ELOVL4: variants seen among roughly 807,000 people sequenced by gnomAD.
The protein encoded by ELOVL4 is ELOVL fatty acid elongase 4, also known as very long chain fatty acid elongase 4.
A neutral mutation model predicts 42.1 loss-of-function variants in ELOVL4; 18 were observed. That is an observed-to-expected ratio of 0.43 (90% CI 0.30 to 0.63). The LOEUF is 0.63. Ranked by LOEUF, ELOVL4 falls within the 30% of genes least tolerant of loss-of-function variation. ELOVL4 has a pLI of 0.15. For synonymous variants in ELOVL4, 117 were observed against 127.0 expected (o/e 0.92, Z 0.53); for missense variants, 299 against 376.2 (o/e 0.79, Z 1.70).
At chr6:79,934,712 G>A (rs915525895) in intron 1 of ELOVL4, among the ~76,000 whole-genome samples, 2 of 152,054 alleles carry the variant, frequency 1.3e-5, no homozygotes, top group African/African-American at 4.8e-5. Flanking sequence ...ATAAACCCAA[G>A]AAGTTACTTA....
In ELOVL4 at chr6:79,919,562, C is replaced by T. The variant is rs1489218254; in HGVS notation, c.542-15G>A. 6.2e-7 allele frequency: 1 copy of T among 1,612,590 alleles called. No homozygotes were observed. Among genetic ancestry groups the T allele is most frequent in the Non-Finnish European group, 8.5e-7 (1 of 1,179,338 alleles). On this transcript the variant is annotated splice_polypyrimidine_tract_variant and intron_variant, in intron 4 of 5. Coordinates refer to ENST00000369816, the MANE Select transcript of ELOVL4 (RefSeq NM_022726.4). ...TCCAAAAAATGCTTTAGAAAAACAA[C>T]AGGTAATTACAAGATACAGAAAATT...
At chr6:79,938,273 C>A in intron 1 of ELOVL4, among the ~76,000 whole-genome samples, 1 of 152,132 alleles carries the variant, frequency 6.6e-6, no homozygotes, top group East Asian at 1.9e-4. Context: ...CAAGTTCAAC[C>A]ATCCACCCAA....
chr6:79,926,868 C>T (rs932579037), intron 1 of ELOVL4, among the ~76,000 whole-genome samples: 3 of 152,038 alleles, frequency 2.0e-5, no homozygotes, highest in Non-Finnish European at 4.4e-5. Flanking sequence ...TGAAATATCT[C>T]GAGACACTGA....
intron 5 of ELOVL4, 24 bp from the exon 6 acceptor site, chr6:79,916,907 A>T: frequency 6.2e-7 from 1 of 1,613,810 alleles, no homozygotes; most frequent in Non-Finnish European, 8.5e-7. Context: ...ATGACAGCAC[A>T]AAACATTTAA....
chr6:79,918,165 T>TTAA (rs1451913833), intron 5 of ELOVL4, among the ~76,000 whole-genome samples: 39 of 152,296 alleles, frequency 2.6e-4, no homozygotes, highest in African/African-American at 9.1e-4. Context: ...TCAGTATTAC[T>TTAA]TATTTTAAAT....
At chr6:79,927,698 G>A (rs764185652) in intron 1 of ELOVL4, among the ~76,000 whole-genome samples, 2 of 151,988 alleles carry the variant, frequency 1.3e-5, no homozygotes, top group Non-Finnish European at 2.9e-5. Flanking sequence ...TTGATGACTC[G>A]AGATATGGGA....
At chr6:79,922,655 T>G (rs1460937747) in intron 3 of ELOVL4, among the ~76,000 whole-genome samples, 1 of 152,242 alleles carries the variant, frequency 6.6e-6, no homozygotes, top group Non-Finnish European at 1.5e-5. Flanking sequence ...CTAAAATCTA[T>G]TTATAAGCTT....
chr6:79,933,460 A>G (rs918694041), intron 1 of ELOVL4, among the ~76,000 whole-genome samples: 1 of 152,062 alleles, frequency 6.6e-6, no homozygotes, highest in Non-Finnish European at 1.5e-5. Flanking sequence ...TGAACCCCTG[A>G]GCTCAAGCAA....
intron 4 of ELOVL4, among the ~76,000 whole-genome samples, chr6:79,921,237 G>A (rs1010733081): frequency 5.9e-5 from 9 of 151,694 alleles, no homozygotes; most frequent in African/African-American, 2.2e-4. Flanking sequence ...CGAGGCAGGC[G>A]GATCACAAGG....
In ELOVL4 at chr6:79,942,846, G is replaced by C. The variant is rs143274109; in HGVS notation, c.100+4334C>G. On this transcript the variant is annotated intron_variant, in intron 1 of 5. Transcript: ENST00000369816. ...GCAGTCTACCACCAAAAATCAAACTGTGGTGAAGGAAAAGACAATAAAAAC... is the reference window on the plus strand; with the variant it reads ...GCAGTCTACCACCAAAAATCAAACTCTGGTGAAGGAAAAGACAATAAAAAC... 5.5e-4 allele frequency among the ~76,000 whole-genome samples: 84 copies of C among 152,256 alleles called. 1 individual carries two copies. In the South Asian group the frequency reaches 8.3e-3, roughly 15 times the overall value.
rs543680358 is a variant in ELOVL4, at chr6:79,930,446, C to T, written c.101-4065G>A. 9.9e-5 allele frequency among the ~76,000 whole-genome samples: 15 copies of T among 152,284 alleles called. No individual in the cohort carries two copies. In the East Asian group the frequency reaches 2.7e-3, roughly 27 times the overall value. On this transcript the variant is annotated intron_variant, in intron 1 of 5. Transcript: ENST00000369816. ...TTTTAATAATATTTGGATGAAATTC[C>T]TCCATGTCTTTACATGTTATAATAC...
In ELOVL4 at chr6:79,915,371, C is replaced by T. The variant is rs1256168366; in HGVS notation, c.*1237G>A. On this transcript the variant is annotated 3_prime_UTR_variant, in exon 6 of 6. Transcript: ENST00000369816. ...TATTCATTTTGTGTTTTAACAACACCTTGTAACATCAAGCATTGAATTTAA... is the reference window on the plus strand; with the variant it reads ...TATTCATTTTGTGTTTTAACAACACTTTGTAACATCAAGCATTGAATTTAA... 1 of 152,480 alleles carries T rather than the reference C, an allele frequency of 6.6e-6. No individual in the cohort carries two copies. The highest frequency in any genetic ancestry group is 1.9e-4 in the East Asian group (1 of 5,188). The allele number at this position is 152,480 out of a possible 1,614,324, so 9.4% of individuals were successfully genotyped here. A position where few individuals can be genotyped will look rare whatever the true frequency, so the allele number is the denominator to read the frequency against.
chr6:79,917,595 G>A (rs1167242247), intron 5 of ELOVL4, among the ~76,000 whole-genome samples: 3 of 152,170 alleles, frequency 2.0e-5, no homozygotes, highest in African/African-American at 7.2e-5. Context: ...CGAGGCGGGT[G>A]GATCAACTGA....
At chr6:79,919,198 T>C (rs1469264432) in intron 5 of ELOVL4, among the ~76,000 whole-genome samples, 1 of 152,218 alleles carries the variant, frequency 6.6e-6, no homozygotes, top group Non-Finnish European at 1.5e-5. Context: ...GTAAGGGCTA[T>C]GTCTAGTCTT....
rs532162290 is a variant in ELOVL4, at chr6:79,941,771, T to C, written c.100+5409A>G. Among the ~76,000 whole-genome samples the C allele has an allele frequency of 2.8e-3, 428 of 152,332 alleles. 2 individuals carry two copies. Among genetic ancestry groups the C allele is most frequent in the African/African-American group, 9.8e-3 (408 of 41,584 alleles). ...TTATTCATGTTTAGCAACCACAATA[T>C]ATCATGATTCAAAATTATGCTAGAT... On this transcript the variant is annotated intron_variant, in intron 1 of 5. Transcript: ENST00000369816.
rs759142410 is a variant in ELOVL4 at position 79,926,339 on chromosome 6, G to C, written c.143C>G (p.Pro48Arg). The C allele has an allele frequency of 6.2e-7, 1 of 1,613,948 alleles. No individual in the cohort carries two copies. Among genetic ancestry groups the C allele is most frequent in the Non-Finnish European group, 8.5e-7 (1 of 1,179,938 alleles). The change falls in exon 2 of 6, where the codon CCT becomes CGT. Residue 48 changes from proline to arginine, a missense_variant. Physicochemically the swap from Pro to Arg is moderately radical, Grantham distance 103. Transcript: ENST00000369816. ...ATAAAGAGTGCTTATACTTAGTGTAGGCCAAGGAGACTGCATCAGAGGCCA... is the reference window on the plus strand; with the variant it reads ...ATAAAGAGTGCTTATACTTAGTGTACGCCAAGGAGACTGCATCAGAGGCCA... ...ENWPLMQSPWPTLSISTLYLL... is the reference protein window; with the variant it reads ...ENWPLMQSPWRTLSISTLYLL...
At chr6:79,921,569 C>T (rs1003921690) in intron 4 of ELOVL4, 56 bp downstream of exon 4, 271 of 1,499,918 alleles carry the variant, frequency 1.8e-4, no homozygotes, top group Non-Finnish European at 2.4e-4. Flanking sequence ...TCATTGCTTT[C>T]CACTGAACAC....
intron 1 of ELOVL4, among the ~76,000 whole-genome samples, chr6:79,931,967 G>C (rs539010069): frequency 6.6e-6 from 1 of 152,242 alleles, no homozygotes; most frequent in South Asian, 2.1e-4. Context: ...ATTGAGCTCA[G>C]GAGCAAAAGC....
intron 1 of ELOVL4, 74 bp from the exon 2 acceptor site, chr6:79,926,455 A>G: frequency 7.0e-7 from 1 of 1,436,326 alleles, no homozygotes; most frequent in East Asian, 2.5e-5. Flanking sequence ...TTAGGAATCA[A>G]GATGTTTCAA....
Sources: allele counts gnomAD v4.1 joint callset (sites outside exome capture counted in the v4.1 genomes callset), GRCh38; gene constraint gnomAD v4.1.1; transcripts MANE v1.5; gene names NCBI Gene and HGNC (gene_info 2026-07-23, HGNC 2026-07-21).